Variants in F13B observed in about 807,000 individuals in gnomAD.
The protein encoded by F13B is coagulation factor XIII B chain.
Under a neutral mutation model 79.8 loss-of-function variants are expected in F13B, and 58 were observed. The ratio of observed to expected loss-of-function variants is 0.73; its 90% confidence interval spans 0.59 to 0.90. F13B has a LOEUF of 0.90. F13B is among the 40% of genes least tolerant of loss of function. F13B has a pLI of 0.00. For synonymous variants in F13B, 283 were observed against 260.3 expected (o/e 1.09, Z -0.84); for missense variants, 773 against 777.0 (o/e 0.99, Z 0.06).
intron 8 of F13B, 83 bp downstream of exon 8, chr1:197,055,632 A>G: frequency 5.6e-6 from 8 of 1,420,554 alleles, no homozygotes; most frequent in Non-Finnish European, 7.9e-6. Context: ...TTTGTACAAA[A>G]TCATCATTTT....
intron 5 of F13B, among the ~76,000 whole-genome samples, chr1:197,058,727 C>T (rs1333467559): frequency 2.0e-5 from 3 of 151,960 alleles, no homozygotes; most frequent in Non-Finnish European, 4.4e-5. Context: ...TGTCTTGTAC[C>T]GTGTAAGGTA....
At chr1:197,048,289 T>C (rs1168419652) in intron 10 of F13B, among the ~76,000 whole-genome samples, 1 of 151,780 alleles carries the variant, frequency 6.6e-6, no homozygotes, top group Non-Finnish European at 1.5e-5. Context: ...AATATATTAG[T>C]AATTACATGA....
At chr1:197,048,027 C>T (rs1037587865) in intron 10 of F13B, among the ~76,000 whole-genome samples, 1 of 151,844 alleles carries the variant, frequency 6.6e-6, no homozygotes, top group Non-Finnish European at 1.5e-5. Context: ...AGGAGAAATA[C>T]CTAATGTAAA....
chr1:197,059,004 A>G (rs1655747451), intron 5 of F13B, among the ~76,000 whole-genome samples: 2 of 152,080 alleles, frequency 1.3e-5, no homozygotes, highest in Admixed American at 1.3e-4. Context: ...ACCTGAGGTC[A>G]GGAGTTCAAG....
At chr1:197,051,490 C>G (rs865952158) in intron 9 of F13B, among the ~76,000 whole-genome samples, 2 of 151,928 alleles carry the variant, frequency 1.3e-5, no homozygotes, top group African/African-American at 4.8e-5. Flanking sequence ...ACAATGGGTC[C>G]CCAGAAAGCC....
intron 3 of F13B, among the ~76,000 whole-genome samples, chr1:197,061,433 G>T (rs989852053): frequency 2.6e-5 from 4 of 151,998 alleles, no homozygotes; most frequent in African/African-American, 7.2e-5. Context: ...CTATTTTTAA[G>T]TATATCTGAC....
chr1:197,060,024 G>C (rs575211557), intron 5 of F13B, among the ~76,000 whole-genome samples: 15 of 152,098 alleles, frequency 9.9e-5, no homozygotes, highest in Non-Finnish European at 2.2e-4. Flanking sequence ...CAAATTAAGA[G>C]AAAATATCCT....
chr1:197,049,404 C>T (rs1428450148), intron 10 of F13B, among the ~76,000 whole-genome samples: 1 of 151,738 alleles, frequency 6.6e-6, no homozygotes, highest in Non-Finnish European at 1.5e-5. Context: ...GAAGTAATAA[C>T]AAAAGATACA....
chr1:197,050,785 T>G lies in F13B; in HGVS notation c.1650A>C (p.Glu550Asp). 3 of 1,613,450 alleles carry G rather than the reference T, an allele frequency of 1.9e-6. No homozygotes were observed. The highest frequency in any genetic ancestry group is 1.7e-6 in the Non-Finnish European group (2 of 1,179,624). The change falls in exon 10 of 12, where the codon GAA becomes GAC. Residue 550 changes from glutamate to aspartate, a missense_variant. Physicochemically the swap from Glu to Asp is conservative, Grantham distance 45. Coordinates refer to ENST00000367412, the MANE Select transcript of F13B (RefSeq NM_001994.3). ...GGAAATGGTGATCAAAACATCTGTA[T>G]TCTACTGAAGAGCCATTTTCATAGG... ...VDTYENGSSV[E>D]YRCFDHHFLE...
At chr1:197,067,120 T>C (rs759279451) in intron 1 of F13B, 40 bp downstream of exon 1, 6 of 1,191,840 alleles carry the variant, frequency 5.0e-6, no homozygotes, top group Middle Eastern at 2.6e-4. Context: ...TCTCCATTTG[T>C]ATGTTTTAGA....
chr1:197,060,827 A>G, intron 4 of F13B, 72 bp downstream of exon 4: 10 of 1,385,492 alleles, frequency 7.2e-6, no homozygotes, highest in Non-Finnish European at 1.0e-5. Flanking sequence ...TGAGCATGAC[A>G]ACTTATATAC....
At chr1:197,061,210 A>G (rs1655849619) in intron 3 of F13B, 135 bp from the exon 4 acceptor site, 3 of 499,660 alleles carry the variant, frequency 6.0e-6, no homozygotes, top group Non-Finnish European at 1.0e-5. Context: ...AATAGCCCCA[A>G]TTTTTCTTTG....
chr1:197,040,852 C>G (rs781181239), intron 10 of F13B, 117 bp from the exon 11 acceptor site: 3 of 729,360 alleles, frequency 4.1e-6, no homozygotes, highest in Non-Finnish European at 7.0e-6. Flanking sequence ...ATTCTCAGGC[C>G]TAAGAGCAGC....
At position 197,049,118 on chromosome 1, in the gene F13B, T is replaced by G. The variant is rs17514697; in HGVS notation, c.1738+1579A>C. Among the ~76,000 whole-genome samples, 1,334 of 152,108 alleles carry G rather than the reference T, an allele frequency of 8.8e-3. 20 individuals carry two copies. Among genetic ancestry groups the G allele is most frequent in the African/African-American group, 0.031 (1,276 of 41,544 alleles). On this transcript the variant is annotated intron_variant, in intron 10 of 11. Coordinates refer to ENST00000367412, the MANE Select transcript of F13B (RefSeq NM_001994.3). ...AATGGTTTGGATGAAGTTAAAGTTGTGCTCAGAGAGAAATTTCTATTTTTA... is the reference window on the plus strand; with the variant it reads ...AATGGTTTGGATGAAGTTAAAGTTGGGCTCAGAGAGAAATTTCTATTTTTA...
intron 10 of F13B, among the ~76,000 whole-genome samples, chr1:197,042,154 C>G (rs1023001678): frequency 3.3e-5 from 5 of 152,180 alleles, no homozygotes; most frequent in African/African-American, 1.2e-4. Context: ...GCACTGTGTT[C>G]AGTTACTTTC....
intron 5 of F13B, among the ~76,000 whole-genome samples, chr1:197,058,113 G>T (rs923169034): frequency 6.6e-6 from 1 of 152,160 alleles, no homozygotes; most frequent in African/African-American, 2.4e-5. Flanking sequence ...TGGTGACATT[G>T]TTACGCACCA....
At chr1:197,047,679 G>A (rs1655283795) in intron 10 of F13B, among the ~76,000 whole-genome samples, 1 of 152,170 alleles carries the variant, frequency 6.6e-6, no homozygotes, top group African/African-American at 2.4e-5. Context: ...CTGCTATAAA[G>A]ACAAATGCAC....
intron 2 of F13B, among the ~76,000 whole-genome samples, chr1:197,062,250 T>C (rs1231394063): frequency 6.6e-6 from 1 of 152,242 alleles, no homozygotes; most frequent in East Asian, 1.9e-4. Flanking sequence ...TAAACGAAAC[T>C]GGCTCAACCA....
chr1:197,039,500 T>C, intron 11 of F13B, 89 bp from the exon 12 acceptor site: 1 of 985,108 alleles, frequency 1.0e-6, no homozygotes. Context: ...TTTCATATAA[T>C]GAGTCATTGT....
Sources: gnomAD v4.1 joint callset for allele counts (sites outside exome capture counted in the v4.1 genomes callset) on GRCh38, gnomAD v4.1.1 for gene constraint, MANE v1.5 for transcripts, NCBI Gene and HGNC (gene_info 2026-07-23, HGNC 2026-07-21) for gene names.